Variants in MIR2052HG observed in about 807,000 individuals in gnomAD.
MIR2052HG encodes MIR2052 host gene.
At chr8:74,604,522 G>T (rs1282775758) in intron 1 of MIR2052HG, among the ~76,000 whole-genome samples, 3 of 128,530 alleles carry the variant, frequency 2.3e-5, no homozygotes, top group African/African-American at 8.5e-5. Context: ...GAGGGCGGGC[G>T]GGCGGGAGAG....
At chr8:74,633,387 C>T (rs1485559586) in intron 2 of MIR2052HG, 1 of 151,994 alleles carries the variant, frequency 6.6e-6, no homozygotes, top group East Asian at 1.9e-4. Context: ...ATTGTGACAC[C>T]CCTGGTGGTA....
At chr8:74,715,943 T>G (rs542011155) in intron 4 of MIR2052HG, among the ~76,000 whole-genome samples, 1 of 152,312 alleles carries the variant, frequency 6.6e-6, no homozygotes, top group African/African-American at 2.4e-5. Flanking sequence ...TCTAAATAAT[T>G]TCTAAATGCT....
intron 4 of MIR2052HG, among the ~76,000 whole-genome samples, chr8:74,733,397 C>T (rs1169896829): frequency 6.6e-6 from 1 of 152,186 alleles, no homozygotes; most frequent in African/African-American, 2.4e-5. Context: ...CATGTCCCTA[C>T]AAAGGACATA....
intron 4 of MIR2052HG, among the ~76,000 whole-genome samples, chr8:74,704,544 T>C (rs577877843): frequency 1.4e-4 from 21 of 152,180 alleles, no homozygotes; most frequent in Admixed American, 1.1e-3. Flanking sequence ...CTTTCCCCTT[T>C]TTCTTTTTAC....
At chr8:74,604,219 C>T in intron 1 of MIR2052HG, 1 of 901,096 alleles carries the variant, frequency 1.1e-6, no homozygotes, top group East Asian at 2.4e-5. Context: ...GATATTTAAT[C>T]CACCTTCAAT....
chr8:74,687,656 C>A (rs1166624117), intron 2 of MIR2052HG, among the ~76,000 whole-genome samples: 1 of 151,928 alleles, frequency 6.6e-6, no homozygotes, highest in Admixed American at 6.6e-5. Context: ...GCAGAGAATA[C>A]AATGCAGTTG....
At chr8:74,670,227 C>G (rs933324240) in intron 2 of MIR2052HG, among the ~76,000 whole-genome samples, 1 of 152,108 alleles carries the variant, frequency 6.6e-6, no homozygotes, top group African/African-American at 2.4e-5. Context: ...ATTGGGGTAC[C>G]ATCTGTCTTG....
At chr8:74,739,158 A>T (rs1809801428) in intron 4 of MIR2052HG, among the ~76,000 whole-genome samples, 1 of 152,152 alleles carries the variant, frequency 6.6e-6, no homozygotes, top group Non-Finnish European at 1.5e-5. Context: ...GTTGTGCTTG[A>T]CTTCTTGAGC....
intron 2 of MIR2052HG, among the ~76,000 whole-genome samples, chr8:74,640,779 A>G (rs1336593526): frequency 1.3e-5 from 2 of 152,352 alleles, no homozygotes; most frequent in East Asian, 3.9e-4. Flanking sequence ...ACATCCAGAA[A>G]AACAACCACT....
intron 1 of MIR2052HG, among the ~76,000 whole-genome samples, chr8:74,606,248 G>C (rs950782632): frequency 6.6e-6 from 1 of 152,132 alleles, no homozygotes; most frequent in African/African-American, 2.4e-5. Context: ...TTGCATTCTT[G>C]GATGTGCTGG....
At chr8:74,666,160 C>T (rs1357913136) in intron 2 of MIR2052HG, among the ~76,000 whole-genome samples, 1 of 152,196 alleles carries the variant, frequency 6.6e-6, no homozygotes, top group Non-Finnish European at 1.5e-5. Flanking sequence ...ACCAGCATTT[C>T]TCATGGGACT....
exon 1 of MIR2052HG, chr8:74,599,903 A>C (rs1483732600): frequency 6.0e-6 from 1 of 165,616 alleles, no homozygotes; most frequent in African/African-American, 2.4e-5. Flanking sequence ...GGACCCTCCG[A>C]GCCAGGTGCG....
Position 74,701,402 on chromosome 8 carries a change from C to T in MIR2052HG, n.217-977C>T, listed in dbSNP as rs546070110. 2.4e-4 allele frequency among the ~76,000 whole-genome samples: 37 copies of T among 152,078 alleles called. No individual in the cohort carries two copies. The South Asian group carries it at 7.7e-3, about 32-fold the overall frequency. On this transcript the variant is annotated intron_variant and non_coding_transcript_variant, in intron 2 of 6. Transcript: ENST00000523442. ...GCACTGTTTCTACTTGGAGAGAATG[C>T]TTCATTGTGCGGGGGTTGGAAGTCA...
intron 2 of MIR2052HG, among the ~76,000 whole-genome samples, chr8:74,659,568 G>C (rs962910331): frequency 6.6e-6 from 1 of 152,086 alleles, no homozygotes; most frequent in Admixed American, 6.6e-5. Context: ...AGCCTGCCAA[G>C]CAGCTAGGAA....
At chr8:74,696,924 T>C (rs918487094) in intron 2 of MIR2052HG, among the ~76,000 whole-genome samples, 8 of 152,038 alleles carry the variant, frequency 5.3e-5, no homozygotes, top group Non-Finnish European at 1.2e-4. Flanking sequence ...CTTTTGACAC[T>C]ATTCCACGAG....
At chr8:74,685,831 T>C (rs1356351741) in intron 2 of MIR2052HG, among the ~76,000 whole-genome samples, 1 of 152,034 alleles carries the variant, frequency 6.6e-6, no homozygotes, top group Non-Finnish European at 1.5e-5. Flanking sequence ...ATAATAAAAA[T>C]ACATTATCCA....
chr8:74,708,121 A>G (rs1221179911), intron 4 of MIR2052HG, among the ~76,000 whole-genome samples: 1 of 152,150 alleles, frequency 6.6e-6, no homozygotes, highest in Non-Finnish European at 1.5e-5. Flanking sequence ...GCTCCAGGGA[A>G]TATGTTTCCT....
intron 1 of MIR2052HG, among the ~76,000 whole-genome samples, chr8:74,601,728 T>C (rs1808003837): frequency 1.3e-5 from 2 of 152,186 alleles, no homozygotes; most frequent in African/African-American, 2.4e-5. Context: ...CAGCAAAATA[T>C]CAACACAGTA....
intron 2 of MIR2052HG, among the ~76,000 whole-genome samples, chr8:74,639,885 T>A (rs758034468): frequency 6.6e-6 from 1 of 152,118 alleles, no homozygotes; most frequent in African/African-American, 2.4e-5. Flanking sequence ...ATTGAACTAG[T>A]CTGCAAGTGG....
Sources: allele counts gnomAD v4.1 joint callset (sites outside exome capture counted in the v4.1 genomes callset), GRCh38; gene constraint gnomAD v4.1.1; transcripts MANE v1.5; gene names NCBI Gene and HGNC (gene_info 2026-07-23, HGNC 2026-07-21).